Variants in FSTL4 observed in about 807,000 individuals in gnomAD.
FSTL4 encodes follistatin-related protein 4.
In FSTL4, 28 loss-of-function variants were observed where a neutral mutation model predicts 78.2. That is an observed-to-expected ratio of 0.36 (90% CI 0.27 to 0.49). FSTL4 has a LOEUF of 0.49. Among genes scored for constraint, FSTL4 ranks in the 20% least tolerant of loss-of-function variants. The pLI, the probability that FSTL4 is intolerant of heterozygous loss-of-function variation, is 0.98. For synonymous variants in FSTL4, 422 were observed against 440.5 expected, an observed-to-expected ratio of 0.96 and a Z score of 0.53; for missense variants, 922 against 1,084.9, an observed-to-expected ratio of 0.85 and a Z score of 2.11.
upstream of FSTL4, among the ~76,000 whole-genome samples, chr5:133,616,350 T>TATCTATC (rs1360309915): frequency 6.6e-6 from 1 of 151,796 alleles, no homozygotes; most frequent in African/African-American, 2.4e-5. Flanking sequence ...TCTATCTATC[T>TATCTATC]ATCTAATTTT....
the FSTL4 span, among the ~76,000 whole-genome samples, chr5:133,831,174 C>A: frequency 2.6e-5 from 4 of 152,284 alleles, no homozygotes; most frequent in East Asian, 7.7e-4. Flanking sequence ...CCAGTGAGTG[C>A]TCTGAGTGTC....
chr5:133,554,458 C>T (rs1759750591), intron 3 of FSTL4, among the ~76,000 whole-genome samples: 1 of 152,258 alleles, frequency 6.6e-6, no homozygotes, highest in African/African-American at 2.4e-5. Flanking sequence ...ACAGCATTTA[C>T]ATTTCTGAAA....
chr5:133,405,263 G>A (rs1024979399), intron 3 of FSTL4, among the ~76,000 whole-genome samples: 3 of 152,216 alleles, frequency 2.0e-5, no homozygotes, highest in Admixed American at 6.5e-5. Flanking sequence ...GCAGTCACTG[G>A]AAAGCCCAAA....
intron 3 of FSTL4, among the ~76,000 whole-genome samples, chr5:133,495,659 C>T (rs1031593687): frequency 1.3e-5 from 2 of 152,124 alleles, no homozygotes; most frequent in South Asian, 2.1e-4. Context: ...TGCTCTGCTC[C>T]GGGGACCACT....
chr5:133,500,782 T>C lies in FSTL4; in HGVS notation c.160+66404A>G, dbSNP rs576265110. 2.4e-3 allele frequency among the ~76,000 whole-genome samples: 365 copies of C among 152,302 alleles called. 3 individuals carry two copies. Among genetic ancestry groups the C allele is most frequent in the Non-Finnish European group, 4.3e-3 (291 of 68,022 alleles). ...GATTTCCTATGACTAATTCTACCTC[T>C]AACCTTTCTGGATAGAGTAGATGAT... On this transcript the variant is annotated intron_variant, in intron 3 of 15. Coordinates refer to ENST00000265342, the MANE Select transcript of FSTL4 (RefSeq NM_015082.2).
chr5:133,823,598 C>G, the FSTL4 span, among the ~76,000 whole-genome samples: 1 of 152,194 alleles, frequency 6.6e-6, no homozygotes, highest in East Asian at 1.9e-4. Context: ...GTGTCCCGGA[C>G]AGAGTGCCCC....
chr5:133,297,735 A>C (rs1406438012), intron 6 of FSTL4, among the ~76,000 whole-genome samples: 2 of 152,206 alleles, frequency 1.3e-5, no homozygotes, highest in African/African-American at 4.8e-5. Context: ...ATGAAGTCTC[A>C]AGAAGTGCTT....
the FSTL4 span, among the ~76,000 whole-genome samples, chr5:133,794,208 G>C: frequency 6.6e-6 from 1 of 152,252 alleles, no homozygotes; most frequent in Non-Finnish European, 1.5e-5. Flanking sequence ...GGCCAAGAGA[G>C]AGGGCCAGGA....
chr5:133,653,874 T>C, the FSTL4 span, among the ~76,000 whole-genome samples: 14 of 152,330 alleles, frequency 9.2e-5, no homozygotes, highest in East Asian at 2.7e-3. Flanking sequence ...CGGGCTGCAT[T>C]GTTAAAGGCA....
In FSTL4 at chr5:133,249,552, G is replaced by A. The variant is rs755929261; in HGVS notation, c.752C>T (p.Pro251Leu). Residue 251 changes from proline (P) to leucine (L), a missense_variant, in exon 7 of 16, where the codon CCC becomes CTC. Transcript: ENST00000265342. Reference sequence around the variant, plus strand: ...TGTGGTCACACTGACCCTGTCCTCGGGGGCGAGGCTGAGCTGAACCACTTC... The same window carrying A: ...TGTGGTCACACTGACCCTGTCCTCGAGGGCGAGGCTGAGCTGAACCACTTC... ...AFQVVQLSLA[P>L]EDRVSVTTVT... 6.2e-7 allele frequency: 1 copy of A among 1,612,914 alleles called. No homozygotes were observed. Among genetic ancestry groups the A allele is most frequent in the African/African-American group, 1.3e-5 (1 of 74,914 alleles).
At chr5:133,304,633 T>C (rs906385923) in intron 6 of FSTL4, among the ~76,000 whole-genome samples, 4 of 152,172 alleles carry the variant, frequency 2.6e-5, no homozygotes, top group Non-Finnish European at 5.9e-5. Flanking sequence ...AAATGGAAAG[T>C]GCTGGAAGAC....
chr5:133,501,939 G>A (rs761827240), intron 3 of FSTL4, among the ~76,000 whole-genome samples: 3 of 152,120 alleles, frequency 2.0e-5, no homozygotes, highest in African/African-American at 4.8e-5. Context: ...AGAGGAGAAC[G>A]CAGACACACA....
chr5:133,640,416 T>G, the FSTL4 span, among the ~76,000 whole-genome samples: 1 of 152,178 alleles, frequency 6.6e-6, no homozygotes, highest in South Asian at 2.1e-4. Context: ...AGATGTGACA[T>G]GGTTTCTAGG....
At chr5:133,386,482 G>A (rs929016507) in intron 4 of FSTL4, among the ~76,000 whole-genome samples, 2 of 152,190 alleles carry the variant, frequency 1.3e-5, no homozygotes, top group Non-Finnish European at 2.9e-5. Flanking sequence ...GTTTTACAGA[G>A]AGAAACCACA....
Position 133,589,300 on chromosome 5 carries a change from A to AAAAAAAAAAAAT in FSTL4, c.126+14557_126+14558insATTTTTTTTTTT, listed in dbSNP as rs1208142898. ...TTAGAGTATAATAAAAAAAAAAAAAAAGATCAAGGCCCCAGAACCTTGCTT... is the reference window on the plus strand; with the variant it reads ...TTAGAGTATAATAAAAAAAAAAAAAAAAAAAAAAAAATAGATCAAGGCCCCAGAACCTTGCTT... On this transcript the variant is annotated intron_variant, in intron 2 of 15. Coordinates refer to ENST00000265342, the MANE Select transcript of FSTL4 (RefSeq NM_015082.2). Among the ~76,000 whole-genome samples, 245 of 148,500 alleles carry AAAAAAAAAAAAT rather than the reference A, an allele frequency of 1.6e-3. 6 individuals carry two copies. Among genetic ancestry groups the AAAAAAAAAAAAT allele is most frequent in the African/African-American group, 5.9e-3 (235 of 39,874 alleles).
intron 3 of FSTL4, among the ~76,000 whole-genome samples, chr5:133,510,554 C>T (rs142037287): frequency 6.0e-4 from 91 of 152,166 alleles, no homozygotes; most frequent in African/African-American, 2.1e-3. Flanking sequence ...TGAGAACAGA[C>T]CATGCAAGCT....
chr5:133,420,316 T>C (rs928540544), intron 3 of FSTL4, among the ~76,000 whole-genome samples: 3 of 152,250 alleles, frequency 2.0e-5, no homozygotes, highest in Non-Finnish European at 2.9e-5. Flanking sequence ...GATTGAGTGA[T>C]GGTATATACA....
chr5:133,544,661 T>A (rs2642694), intron 3 of FSTL4, among the ~76,000 whole-genome samples: 1 of 152,004 alleles, frequency 6.6e-6, no homozygotes, highest in Non-Finnish European at 1.5e-5. Context: ...GCAGTCTTAC[T>A]AGGCAGAAGA....
At chr5:133,415,026 G>C (rs549760358) in intron 3 of FSTL4, among the ~76,000 whole-genome samples, 46 of 152,346 alleles carry the variant, frequency 3.0e-4, no homozygotes, top group Middle Eastern at 3.4e-3. Flanking sequence ...GAAGCCCTTA[G>C]CATCAGTACT....
Sources: allele counts gnomAD v4.1 joint callset (sites outside exome capture counted in the v4.1 genomes callset), GRCh38; gene constraint gnomAD v4.1.1; transcripts MANE v1.5; gene names NCBI Gene and HGNC (gene_info 2026-07-23, HGNC 2026-07-21).